MRTFA: variants seen among roughly 807,000 people sequenced by gnomAD.
MRTFA encodes myocardin-related transcription factor A.
Under a neutral mutation model 83.5 loss-of-function variants are expected in MRTFA, and 20 were observed. The observed-to-expected ratio is 0.24, with a 90% CI of 0.17 to 0.35. The LOEUF (loss-of-function observed/expected upper bound fraction) is 0.35. Among genes scored for constraint, MRTFA ranks in the 10% least tolerant of loss-of-function variants. The pLI is 1.00. For synonymous variants in MRTFA, 659 were observed against 541.2 expected (o/e 1.22, Z -3.02); for missense variants, 1,200 against 1,224.7 (o/e 0.98, Z 0.30).
chr22:40,497,106 G>A (rs958653338), intron 3 of MRTFA, among the ~76,000 whole-genome samples: 10 of 152,146 alleles, frequency 6.6e-5, no homozygotes, highest in South Asian at 2.1e-4. Context: ...TTCAAGAAAC[G>A]GAGACAGCCT....
At chr22:40,470,276 T>TATATAG (rs1164339704) in intron 3 of MRTFA, among the ~76,000 whole-genome samples, 1 of 99,290 alleles carries the variant, frequency 1.0e-5, no homozygotes. Context: ...TATATATATA[T>TATATAG]ATATAAAGAA....
In MRTFA at chr22:40,416,090, C is replaced by A. The variant is rs1398201952; in HGVS notation, c.2578+896G>T. On this transcript the variant is annotated intron_variant, in intron 14 of 14. Coordinates refer to ENST00000355630, the MANE Select transcript of MRTFA (RefSeq NM_020831.6). This position sits in a 1 kb window ranked among gnomAD's most constrained non-coding sequence, Gnocchi z 4.2. ...ACCCTCCATTCGGTCTCGTGACACACCCCATCAGGGACCGCGCAATGTGGT... is the reference window on the plus strand; with the variant it reads ...ACCCTCCATTCGGTCTCGTGACACAACCCATCAGGGACCGCGCAATGTGGT... Among the ~76,000 whole-genome samples the A allele has an allele frequency of 1.3e-5, 2 of 152,176 alleles. No homozygotes were observed. The highest frequency in any genetic ancestry group is 3.9e-4 in the East Asian group (2 of 5,184).
intron 2 of MRTFA, chr22:40,587,976 A>AT: frequency 3.5e-6 from 1 of 286,018 alleles, no homozygotes; most frequent in Non-Finnish European, 7.0e-6. Context: ...GAGTACACTG[A>AT]TAACAGTGGA....
chr22:40,567,085 G>A (rs193057896), intron 2 of MRTFA, among the ~76,000 whole-genome samples: 17 of 152,242 alleles, frequency 1.1e-4, no homozygotes, highest in Admixed American at 7.2e-4. Context: ...ATCATGAAGG[G>A]TCTTATAAGA....
rs1386349201 is a variant in MRTFA at position 40,552,290 on chromosome 22, C to G, written c.57G>C (p.Leu19=). The G allele has an allele frequency of 2.5e-6, 1 of 398,920 alleles. No individual in the cohort carries two copies. Among genetic ancestry groups the G allele is most frequent in the Non-Finnish European group, 4.4e-6 (1 of 226,082 alleles). The allele number at this position is 398,920 out of a possible 1,614,324, so 24.7% of individuals were successfully genotyped here. ...CATTTTCGCCGGCCCCTCCTCCGTCCAGCCCATTCACAGCAATGACGGAAG... is the reference window on the plus strand; with the variant it reads ...CATTTTCGCCGGCCCCTCCTCCGTCGAGCCCATTCACAGCAATGACGGAAG... Residue 19 remains leucine (L), a synonymous_variant, in exon 3 of 15, where the codon CTG becomes CTC. Coordinates refer to ENST00000355630, the MANE Select transcript of MRTFA (RefSeq NM_020831.6).
At chr22:40,549,640 G>A (rs1308702291) in intron 3 of MRTFA, among the ~76,000 whole-genome samples, 1 of 152,162 alleles carries the variant, frequency 6.6e-6, no homozygotes, top group African/African-American at 2.4e-5. Context: ...GTTACTAACA[G>A]GTGTACTCAC....
At chr22:40,442,069 T>A (rs1212973135) in intron 4 of MRTFA, among the ~76,000 whole-genome samples, 1 of 152,142 alleles carries the variant, frequency 6.6e-6, no homozygotes, top group African/African-American at 2.4e-5. Flanking sequence ...AGCTCCAGAT[T>A]TACTTAAACA....
intron 4 of MRTFA, among the ~76,000 whole-genome samples, chr22:40,458,405 T>C (rs147643597): frequency 2.6e-5 from 4 of 152,286 alleles, no homozygotes; most frequent in Non-Finnish European, 5.9e-5. Context: ...GAGAGGTATA[T>C]AGGAATTAGG....
At chr22:40,481,258 G>A (rs2054085632) in intron 3 of MRTFA, among the ~76,000 whole-genome samples, 1 of 152,130 alleles carries the variant, frequency 6.6e-6, no homozygotes, top group Non-Finnish European at 1.5e-5. Flanking sequence ...AAAGCAGAGA[G>A]CATTTGCTTC....
intron 1 of MRTFA, among the ~76,000 whole-genome samples, chr22:40,620,361 T>G (rs2056507220): frequency 6.6e-6 from 1 of 150,816 alleles, no homozygotes; most frequent in Non-Finnish European, 1.5e-5. Context: ...CGACCTCAGG[T>G]GATACACCCG....
At chr22:40,441,249 C>T (rs56215843) in intron 4 of MRTFA, among the ~76,000 whole-genome samples, 12,387 of 152,198 alleles carry the variant, frequency 0.081, 786 homozygotes, top group East Asian at 0.24. Context: ...AATAAGCAAG[C>T]TCCCCAGAGA....
chr22:40,509,611 A>G (rs1213263797), intron 3 of MRTFA, among the ~76,000 whole-genome samples: 1 of 152,206 alleles, frequency 6.6e-6, no homozygotes, highest in Non-Finnish European at 1.5e-5. Context: ...CTCGGCCTGA[A>G]TTTTTGTTTA....
intron 2 of MRTFA, among the ~76,000 whole-genome samples, chr22:40,567,220 C>T (rs1602439576): frequency 6.6e-6 from 1 of 152,290 alleles, no homozygotes; most frequent in East Asian, 1.9e-4. Flanking sequence ...AAAATTAAAG[C>T]ACTATTTTGA....
chr22:40,633,701 T>C (rs1254358323), intron 1 of MRTFA, among the ~76,000 whole-genome samples: 1 of 152,190 alleles, frequency 6.6e-6, no homozygotes, highest in African/African-American at 2.4e-5. Context: ...TTTATTATAT[T>C]GCCATATATA....
intron 2 of MRTFA, among the ~76,000 whole-genome samples, chr22:40,573,165 T>C (rs2055821492): frequency 6.6e-6 from 1 of 152,200 alleles, no homozygotes; most frequent in African/African-American, 2.4e-5. Flanking sequence ...TTTGGGATGA[T>C]GAAAATGTTC....
At chr22:40,603,376 G>A (rs953338859) in intron 1 of MRTFA, among the ~76,000 whole-genome samples, 1 of 152,090 alleles carries the variant, frequency 6.6e-6, no homozygotes, top group African/African-American at 2.4e-5. Flanking sequence ...ATCTCCAAAT[G>A]GAAAAACTTA....
chr22:40,533,756 G>A (rs1288807949), intron 3 of MRTFA: 3 of 482,246 alleles, frequency 6.2e-6, no homozygotes, highest in African/African-American at 4.0e-5. Context: ...AAATCAGACT[G>A]TGAGAATATC....
At chr22:40,486,752 G>A (rs1350356834) in intron 3 of MRTFA, among the ~76,000 whole-genome samples, 1 of 152,212 alleles carries the variant, frequency 6.6e-6, no homozygotes, top group East Asian at 1.9e-4. Context: ...CACTTTGGGA[G>A]GCTGAGGCTG....
intron 1 of MRTFA, among the ~76,000 whole-genome samples, chr22:40,613,797 CT>C (rs2056415596): frequency 6.6e-6 from 1 of 152,176 alleles, no homozygotes; most frequent in Non-Finnish European, 1.5e-5. Flanking sequence ...ATGGTCCCAG[CT>C]ACTCTGGAGG....
Sources: gnomAD v4.1 joint callset for allele counts (sites outside exome capture counted in the v4.1 genomes callset) on GRCh38, gnomAD v4.1.1 for gene constraint, Gnocchi (gnomAD v3.1) non-coding constraint, MANE v1.5 for transcripts, NCBI Gene and HGNC (gene_info 2026-07-23, HGNC 2026-07-21) for gene names.